The following NEURL1 variants were observed in gnomAD, a reference collection of about 807,000 sequenced individuals.
NEURL1 encodes the protein neuralized E3 ubiquitin protein ligase 1.
A neutral mutation model predicts 41.2 loss-of-function variants in NEURL1; 26 were observed. The ratio of observed to expected loss-of-function variants is 0.63; its 90% CI spans 0.46 to 0.87. The LOEUF is 0.87. Ranked by LOEUF, NEURL1 falls within the 40% of genes least tolerant of loss-of-function variation. The probability of loss-of-function intolerance (pLI) is 0.00; values close to 1 mark genes in which losing one functional copy is unlikely to be tolerated. For missense variants in NEURL1, 761 were observed against 871.1 expected, an observed-to-expected ratio of 0.87 and a Z score of 1.59; for synonymous variants, 400 against 402.3, an observed-to-expected ratio of 0.99 and a Z score of 0.07.
chr10:103,555,606 G>A (rs1428263167), intron 1 of NEURL1, among the ~76,000 whole-genome samples: 3 of 152,110 alleles, frequency 2.0e-5, no homozygotes, highest in African/African-American at 7.2e-5. Context: ...GCTGGGTAGA[G>A]CAGGAAGAGG....
chr10:103,504,145 C>T (rs2033893622), intron 1 of NEURL1, among the ~76,000 whole-genome samples: 1 of 151,906 alleles, frequency 6.6e-6, no homozygotes, highest in Admixed American at 6.6e-5. Context: ...AGGCACACAC[C>T]ACCACGCCCG....
intron 1 of NEURL1, among the ~76,000 whole-genome samples, chr10:103,528,051 C>G (rs1464810312): frequency 6.6e-6 from 1 of 152,036 alleles, no homozygotes; most frequent in Non-Finnish European, 1.5e-5. Flanking sequence ...GAAACCCTGT[C>G]ACTAGTAAAA....
chr10:103,589,869 G>A (rs571548748), intron 5 of NEURL1, among the ~76,000 whole-genome samples: 66 of 152,308 alleles, frequency 4.3e-4, no homozygotes, highest in African/African-American at 1.5e-3. Context: ...AAAAGATTCT[G>A]GACCCTTTCC....
chr10:103,498,959 C>T (rs984117550), intron 1 of NEURL1, among the ~76,000 whole-genome samples: 12 of 152,206 alleles, frequency 7.9e-5, no homozygotes, highest in Admixed American at 3.3e-4. Context: ...TAGGATGTTT[C>T]TACCTTTTGG....
At chr10:103,500,956 C>T (rs759264125) in intron 1 of NEURL1, among the ~76,000 whole-genome samples, 2 of 152,056 alleles carry the variant, frequency 1.3e-5, no homozygotes, top group African/African-American at 2.4e-5. Context: ...GGACCAGGCT[C>T]CTCAGAGGAG....
chr10:103,494,169 CA>C lies in NEURL1; in HGVS notation c.-218del, dbSNP rs1444436726. The C allele has an allele frequency of 2.9e-5, 14 of 480,478 alleles. No homozygotes were observed. In the African/African-American group the frequency reaches 2.9e-4, roughly 10 times the overall value. 29.8% of individuals were successfully genotyped at this position (480,478 alleles called of 1,614,324 possible). ...CACGGGGCATGGGAGGCAGGTAGCC[CA>C]GCCTGCGCCAGGACACCCGTGGCGG... On this transcript the variant is annotated 5_prime_UTR_variant, in exon 1 of 6. Coordinates refer to ENST00000369780, the MANE Select transcript of NEURL1 (RefSeq NM_004210.5).
rs535955250 is a variant in NEURL1 at position 103,582,563 on chromosome 10, T to C, written c.650-1973T>C. 2.0e-5 allele frequency among the ~76,000 whole-genome samples: 3 copies of C among 152,278 alleles called. No homozygotes were observed. In the East Asian group the frequency reaches 5.8e-4, roughly 29 times the overall value. ...GGAAGGGCCCACACCCAGAGCTTTC[T>C]GGGGGCCAGACAACACAGTTCCTGG... is the stretch of plus-strand genomic sequence containing the variant. On this transcript the variant is annotated intron_variant, in intron 3 of 5. Transcript: ENST00000369780.
intron 1 of NEURL1, chr10:103,555,528 A>G: frequency 2.2e-6 from 2 of 897,676 alleles, no homozygotes; most frequent in Admixed American, 2.9e-5. Flanking sequence ...TTCTCACTCC[A>G]TGGAGGGGTC....
intron 1 of NEURL1, among the ~76,000 whole-genome samples, chr10:103,543,921 G>C (rs900261786): frequency 1.3e-5 from 2 of 152,194 alleles, no homozygotes; most frequent in Admixed American, 1.3e-4. Context: ...TACATGGGGT[G>C]GGGTAGGGGG....
At chr10:103,519,016 G>A (rs1022726947) in intron 1 of NEURL1, among the ~76,000 whole-genome samples, 1 of 152,150 alleles carries the variant, frequency 6.6e-6, no homozygotes, top group Non-Finnish European at 1.5e-5. Flanking sequence ...AGGCTGAGGC[G>A]GGTGGATCGC....
chr10:103,584,647 A>T lies in NEURL1; in HGVS notation c.761A>T (p.Asp254Val). 7.0e-7 allele frequency: 1 copy of T among 1,425,358 alleles called. No individual in the cohort carries two copies. The highest frequency in any genetic ancestry group is 1.4e-5 in the South Asian group (1 of 69,688). The allele number at this position is 1,425,358 out of a possible 1,614,324, so 88.3% of individuals were successfully genotyped here. The stretch of plus-strand genomic sequence containing the variant: ...GCGCGCCTCTCGGTGAGCCTATGCG[A>T]CCTCAACGTGCCGGGCGCGGACGGC... ...DDARLSVSLC[D>V]LNVPGADGDE... Residue 254 changes from aspartate to valine, a missense_variant, in exon 4 of 6, where the codon GAC becomes GTC. By Grantham distance (152) the Asp-to-Val change is radical. Transcript: ENST00000369780.
In NEURL1 at chr10:103,590,582, G is replaced by GGAGGA. The variant is rs1275834195; in HGVS notation, c.*217_*221dup. ...AGGCAAATCACCGGGCAGAGGGAGG[G>GGAGGA]GAGGAGAGGAGGCCGCACTCTCCCT... is the stretch of plus-strand genomic sequence containing the variant. On this transcript the variant is annotated 3_prime_UTR_variant, in exon 6 of 6. Coordinates refer to ENST00000369780, the MANE Select transcript of NEURL1 (RefSeq NM_004210.5). 1.7e-6 allele frequency: 1 copy of GGAGGA among 587,764 alleles called. No homozygotes were observed. Among genetic ancestry groups the GGAGGA allele is most frequent in the Non-Finnish European group, 3.0e-6 (1 of 329,456 alleles). The allele number at this position is 587,764 out of a possible 1,614,324, so 36.4% of individuals were successfully genotyped here.
At chr10:103,515,120 C>G (rs550137988) in intron 1 of NEURL1, among the ~76,000 whole-genome samples, 1 of 147,548 alleles carries the variant, frequency 6.8e-6, no homozygotes, top group Non-Finnish European at 1.5e-5. Flanking sequence ...CCCAGCTATT[C>G]GGGAGGCTGA....
chr10:103,525,877 T>C (rs974934651), intron 1 of NEURL1, among the ~76,000 whole-genome samples: 2 of 152,210 alleles, frequency 1.3e-5, no homozygotes, highest in Non-Finnish European at 2.9e-5. Context: ...ATGTTGGCTA[T>C]GATTTTGTGC....
At chr10:103,501,612 A>C (rs1327300045) in intron 1 of NEURL1, among the ~76,000 whole-genome samples, 1 of 145,060 alleles carries the variant, frequency 6.9e-6, no homozygotes, top group Non-Finnish European at 1.5e-5. Flanking sequence ...TATTATTCCC[A>C]CTTTATTTAT....
At chr10:103,526,350 C>T (rs1479949922) in intron 1 of NEURL1, among the ~76,000 whole-genome samples, 3 of 152,006 alleles carry the variant, frequency 2.0e-5, no homozygotes, top group Non-Finnish European at 4.4e-5. Flanking sequence ...AATTCAGCAG[C>T]GAGGCCATCA....
rs887295301 is a variant in NEURL1, at chr10:103,508,263, T to C, written c.85+13791T>C. Among the ~76,000 whole-genome samples, 4 of 152,172 alleles carry C rather than the reference T, an allele frequency of 2.6e-5. No homozygotes were observed. The highest frequency in any genetic ancestry group is 9.7e-5 in the African/African-American group (4 of 41,446). ...CCATGACAGAATTCACAGCACACTT[T>C]ACAGAGGAGACACTGAGTCCGAATT... On this transcript the variant is annotated intron_variant, in intron 1 of 5. Transcript: ENST00000369780. This position sits in a 1 kb window ranked among gnomAD's most constrained non-coding sequence, Gnocchi z 4.3.
At chr10:103,585,285 TA>T in intron 4 of NEURL1, 60 bp downstream of exon 4, 1 of 1,382,742 alleles carries the variant, frequency 7.2e-7, no homozygotes, top group South Asian at 1.5e-5. Context: ...ACGATCCGGG[TA>T]GGAGACAAAG....
chr10:103,559,839 T>C (rs529358149), intron 1 of NEURL1, among the ~76,000 whole-genome samples: 6 of 144,102 alleles, frequency 4.2e-5, no homozygotes, highest in East Asian at 4.2e-4. Context: ...TGCACACACA[T>C]ATGTGCGCAC....
Sources: gnomAD v4.1 joint callset for allele counts (sites outside exome capture counted in the v4.1 genomes callset) on GRCh38, gnomAD v4.1.1 for gene constraint, Gnocchi (gnomAD v3.1) non-coding constraint, MANE v1.5 for transcripts, NCBI Gene and HGNC (gene_info 2026-07-23, HGNC 2026-07-21) for gene names.